Variants in PLPPR1 observed in about 807,000 individuals in gnomAD.
PLPPR1 encodes phospholipid phosphatase related 1.
Under a neutral mutation model 33.1 loss-of-function variants are expected in PLPPR1, and 10 were observed. That is an observed-to-expected ratio of 0.30 (90% CI 0.19 to 0.51). The LOEUF is 0.51. Among genes scored for constraint, PLPPR1 ranks in the 20% least tolerant of loss-of-function variants. The pLI is 0.97. For missense variants in PLPPR1, 304 were observed against 408.1 expected, an observed-to-expected ratio of 0.74 and a Z score of 2.20; for synonymous variants, 151 against 151.0, an observed-to-expected ratio of 1.00 and a Z score of 0.00.
At chr9:101,099,926 A>G (rs1054510108) in intron 1 of PLPPR1, among the ~76,000 whole-genome samples, 1 of 152,070 alleles carries the variant, frequency 6.6e-6, no homozygotes, top group African/African-American at 2.4e-5. Flanking sequence ...CTAATGTCCA[A>G]TAATAAATTG....
intron 4 of PLPPR1, among the ~76,000 whole-genome samples, chr9:101,305,638 A>G (rs940633565): frequency 6.6e-5 from 10 of 152,152 alleles, no homozygotes; most frequent in Admixed American, 5.2e-4. Flanking sequence ...GACAGCACTG[A>G]GCAGTCTGGT....
At chr9:101,173,708 C>G (rs1232373744) in intron 1 of PLPPR1, among the ~76,000 whole-genome samples, 2 of 152,114 alleles carry the variant, frequency 1.3e-5, no homozygotes, top group African/African-American at 2.4e-5. Flanking sequence ...CTTAATTCTC[C>G]TAAATTAGTA....
intron 1 of PLPPR1, among the ~76,000 whole-genome samples, chr9:101,143,858 G>A (rs1831487022): frequency 2.0e-5 from 3 of 152,180 alleles, no homozygotes; most frequent in Admixed American, 2.0e-4. Flanking sequence ...CAACCATTGT[G>A]GAAGACAGTG....
chr9:101,306,064 G>A (rs958246906), intron 4 of PLPPR1, among the ~76,000 whole-genome samples: 2 of 152,136 alleles, frequency 1.3e-5, no homozygotes, highest in Non-Finnish European at 2.9e-5. Context: ...CCATGTTACT[G>A]GGACCTGATC....
chr9:101,112,410 G>A (rs1187552603), intron 1 of PLPPR1, among the ~76,000 whole-genome samples: 1 of 152,162 alleles, frequency 6.6e-6, no homozygotes, highest in African/African-American at 2.4e-5. Flanking sequence ...CATATTCTGA[G>A]AGGATACAAT....
chr9:101,280,482 CA>C (rs1342925940), intron 3 of PLPPR1, among the ~76,000 whole-genome samples: 1 of 151,744 alleles, frequency 6.6e-6, no homozygotes, highest in Non-Finnish European at 1.5e-5. Context: ...AAAGACACAT[CA>C]AAAAAAGGAA....
rs566713852 is a variant in PLPPR1, at chr9:101,185,518, A to G, written c.24A>G (p.Gln8=). 50 of 1,610,190 alleles carry G rather than the reference A, an allele frequency of 3.1e-5. No individual in the cohort carries two copies. The East Asian group carries it at 8.5e-4, about 27-fold the overall frequency. Residue 8 remains glutamine (Q), a synonymous_variant, in exon 2 of 8, where the codon CAA becomes CAG. Coordinates refer to ENST00000374874, the MANE Select transcript of PLPPR1 (RefSeq NM_207299.2). ...AAATGGCTGTAGGAAACAACACTCA[A>G]CGAAGTTATTCCATCATCCCGTGTT... MAVGNNT[Q]RSYSIIPCFI...
At chr9:101,039,742 G>GT (rs1318202236) in intron 1 of PLPPR1, among the ~76,000 whole-genome samples, 3 of 151,908 alleles carry the variant, frequency 2.0e-5, no homozygotes, top group Non-Finnish European at 2.9e-5. Context: ...GGAAACTCCT[G>GT]TTTTTTTAAA....
chr9:101,035,721 A>G (rs1315888005), intron 1 of PLPPR1, among the ~76,000 whole-genome samples: 1 of 152,230 alleles, frequency 6.6e-6, no homozygotes, highest in Non-Finnish European at 1.5e-5. Flanking sequence ...TACTGAACCA[A>G]CTTCTCCTTT....
intron 1 of PLPPR1, among the ~76,000 whole-genome samples, chr9:101,123,818 C>T (rs138492610): frequency 0.015 from 2,267 of 152,174 alleles, 58 homozygotes; most frequent in African/African-American, 0.052. Context: ...ATCCAAGTCA[C>T]GAGGGATTTT....
chr9:101,220,354 T>C (rs1564180256), intron 2 of PLPPR1, among the ~76,000 whole-genome samples: 1 of 152,210 alleles, frequency 6.6e-6, no homozygotes, highest in East Asian at 1.9e-4. Context: ...TATAAAAGGA[T>C]GTTATTAAAT....
At chr9:101,138,431 A>T (rs1433737254) in intron 1 of PLPPR1, among the ~76,000 whole-genome samples, 1 of 152,204 alleles carries the variant, frequency 6.6e-6, no homozygotes, top group Non-Finnish European at 1.5e-5. Context: ...TATTGAAAGA[A>T]TTAATGAATT....
intron 2 of PLPPR1, among the ~76,000 whole-genome samples, chr9:101,250,972 C>CCTCTTTATTCTATG (rs1827703708): frequency 6.6e-6 from 1 of 151,972 alleles, no homozygotes; most frequent in Admixed American, 6.6e-5. Context: ...CTCCTGGACT[C>CCTCTTTATTCTATG]CTCTTTATTC....
rs76854790 is a variant in PLPPR1, at chr9:101,109,945, C to T, written c.-45-75505C>T. On this transcript the variant is annotated intron_variant, in intron 1 of 7. Transcript: ENST00000374874. ...CATTGTGTGGTGCTGAGTGACTCTG[C>T]TTTAGGAAAGGTGGGGATGCTTCTG... 1.4e-4 allele frequency among the ~76,000 whole-genome samples: 21 copies of T among 152,258 alleles called. No individual in the cohort carries two copies. The East Asian group carries it at 4.0e-3, about 29-fold the overall frequency.
intron 1 of PLPPR1, among the ~76,000 whole-genome samples, chr9:101,057,520 A>G (rs1478489202): frequency 1.3e-5 from 2 of 151,984 alleles, no homozygotes; most frequent in Admixed American, 1.3e-4. Flanking sequence ...CACAATAAAC[A>G]AGGTGATGGT....
chr9:101,201,852 T>C (rs1318814126), intron 2 of PLPPR1, among the ~76,000 whole-genome samples: 1 of 152,216 alleles, frequency 6.6e-6, no homozygotes, highest in African/African-American at 2.4e-5. Flanking sequence ...GTCTGTGACC[T>C]GCAAACATGT....
chr9:101,099,636 T>C (rs1290490029), intron 1 of PLPPR1, among the ~76,000 whole-genome samples: 2 of 152,112 alleles, frequency 1.3e-5, no homozygotes, highest in Non-Finnish European at 2.9e-5. Flanking sequence ...GTGCTTACAT[T>C]GTATTAGGTA....
chr9:101,140,097 C>T (rs1030715210), intron 1 of PLPPR1, among the ~76,000 whole-genome samples: 8 of 152,162 alleles, frequency 5.3e-5, no homozygotes, highest in African/African-American at 1.9e-4. Context: ...AGTATGAGTA[C>T]AAAAGGAACT....
chr9:101,278,138 C>A (rs1009311771), intron 3 of PLPPR1, among the ~76,000 whole-genome samples: 2 of 152,184 alleles, frequency 1.3e-5, no homozygotes, highest in African/African-American at 4.8e-5. Context: ...TTTTAAATTG[C>A]AACCACATAT....
Sources: allele counts gnomAD v4.1 joint callset (sites outside exome capture counted in the v4.1 genomes callset), GRCh38; gene constraint gnomAD v4.1.1; transcripts MANE v1.5; gene names NCBI Gene and HGNC (gene_info 2026-07-23, HGNC 2026-07-21).